Variants in AGPS observed in about 807,000 individuals in gnomAD.
AGPS encodes alkyldihydroxyacetonephosphate synthase, peroxisomal.
A neutral mutation model predicts 90.7 loss-of-function variants in AGPS; 26 were observed. The observed-to-expected ratio is 0.29, with a 90% CI of 0.21 to 0.40. The LOEUF is 0.40. AGPS is among the 10% of genes least tolerant of loss of function. The pLI is 1.00. For synonymous variants in AGPS, 294 were observed against 285.3 expected (o/e 1.03, Z -0.31); for missense variants, 540 against 816.1 (o/e 0.66, Z 4.12).
rs1219105840 is a variant in AGPS, at chr2:177,393,031, G to T, written c.242G>T (p.Gly81Val). 6.5e-7 allele frequency: 1 copy of T among 1,550,374 alleles called. No homozygotes were observed. The highest frequency in any genetic ancestry group is 8.7e-7 in the Non-Finnish European group (1 of 1,146,806). Reference sequence around the variant, plus strand: ...GCCACTCCCGCCGCGCAGGAGTCGGGCACCATCCCAAAGAAGCGGTGAGTA... The same window carrying T: ...GCCACTCCCGCCGCGCAGGAGTCGGTCACCATCCCAAAGAAGCGGTGAGTA... ...PTATPAAQES[G>V]TIPKKRQEVM... Residue 81 changes from glycine to valine, a missense_variant, in exon 1 of 20, where the codon GGC becomes GTC. Around this residue, in one of 2 missense-constraint regions of AGPS, gnomAD observed 135 missense variants for 124.0 expected, o/e 1.09. Transcript: ENST00000264167.
intron 1 of AGPS, among the ~76,000 whole-genome samples, chr2:177,419,091 T>C (rs938143585): frequency 5.9e-5 from 9 of 151,930 alleles, no homozygotes; most frequent in African/African-American, 2.2e-4. Flanking sequence ...TTGTCTTAAT[T>C]TTATGTATAG....
chr2:177,448,187 G>A (rs144923661), intron 8 of AGPS, among the ~76,000 whole-genome samples: 2 of 151,938 alleles, frequency 1.3e-5, no homozygotes, highest in African/African-American at 4.8e-5. Flanking sequence ...GCTCCTAGCT[G>A]TGTGACCTTG....
chr2:177,403,473 T>A (rs551414675), intron 1 of AGPS, among the ~76,000 whole-genome samples: 1 of 152,308 alleles, frequency 6.6e-6, no homozygotes, highest in Admixed American at 6.5e-5. Context: ...TTTGCTCTAG[T>A]AATGATGGTC....
intron 19 of AGPS, among the ~76,000 whole-genome samples, chr2:177,537,281 A>G (rs145931909): frequency 1.1e-4 from 17 of 152,268 alleles, no homozygotes; most frequent in African/African-American, 3.8e-4. Flanking sequence ...TTCATTGAGT[A>G]CCTTTTGAAA....
At chr2:177,482,489 C>T (rs1443884828) in intron 11 of AGPS, among the ~76,000 whole-genome samples, 1 of 151,668 alleles carries the variant, frequency 6.6e-6, no homozygotes, top group Non-Finnish European at 1.5e-5. Context: ...GATGACTTTG[C>T]CTTTTATTGA....
intron 10 of AGPS, among the ~76,000 whole-genome samples, chr2:177,471,673 T>C (rs1574396225): frequency 6.6e-6 from 1 of 152,314 alleles, no homozygotes; most frequent in Admixed American, 6.5e-5. Flanking sequence ...AAAGTTTCAC[T>C]AGTTATTCTT....
At chr2:177,445,705 T>G in intron 8 of AGPS, 79 bp downstream of exon 8, 1 of 1,002,666 alleles carries the variant, frequency 1.0e-6, no homozygotes, top group Admixed American at 2.7e-5. Flanking sequence ...TAATGAAAGT[T>G]TTCAAAACTG....
chr2:177,534,932 T>A (rs2079170920), intron 19 of AGPS, among the ~76,000 whole-genome samples: 1 of 152,100 alleles, frequency 6.6e-6, no homozygotes, highest in African/African-American at 2.4e-5. Context: ...TTGGCCCATC[T>A]TTTTTATGTC....
At chr2:177,526,789 C>T (rs1445058884) in intron 19 of AGPS, among the ~76,000 whole-genome samples, 1 of 152,070 alleles carries the variant, frequency 6.6e-6, no homozygotes, top group African/African-American at 2.4e-5. Flanking sequence ...GATGCTGAAA[C>T]AGTGAAGAGA....
intron 3 of AGPS, among the ~76,000 whole-genome samples, chr2:177,434,634 C>A (rs1686342796): frequency 6.6e-6 from 1 of 152,118 alleles, no homozygotes; most frequent in Admixed American, 6.5e-5. Flanking sequence ...TGAGATTTAT[C>A]TGGCAAACTT....
At chr2:177,537,910 G>A (rs750910465) in intron 19 of AGPS, among the ~76,000 whole-genome samples, 164 bp from the exon 20 acceptor site, 11 of 152,080 alleles carry the variant, frequency 7.2e-5, no homozygotes, top group Non-Finnish European at 1.6e-4. Context: ...TGGGCTTAAT[G>A]AGCTTGATAG....
chr2:177,484,412 C>T (rs886651939), intron 11 of AGPS, among the ~76,000 whole-genome samples: 5 of 151,904 alleles, frequency 3.3e-5, no homozygotes, highest in Admixed American at 6.6e-5. Flanking sequence ...GGCGCGATCT[C>T]GATGCGCTGC....
chr2:177,481,324 G>T (rs1248317194), intron 10 of AGPS, among the ~76,000 whole-genome samples: 1 of 151,360 alleles, frequency 6.6e-6, no homozygotes, highest in Non-Finnish European at 1.5e-5. Context: ...TCTCTAATTA[G>T]TCCCTCTTAT....
intron 19 of AGPS, among the ~76,000 whole-genome samples, chr2:177,537,827 T>C (rs1346545847): frequency 6.6e-6 from 1 of 152,096 alleles, no homozygotes; most frequent in Non-Finnish European, 1.5e-5. Context: ...TGTCCAAGCT[T>C]CCTTCAATCT....
intron 9 of AGPS, among the ~76,000 whole-genome samples, chr2:177,465,875 G>A (rs1381382123): frequency 6.6e-6 from 1 of 152,252 alleles, no homozygotes; most frequent in Non-Finnish European, 1.5e-5. Context: ...CAAACAAGGG[G>A]TGTGTTTCAG....
intron 9 of AGPS, among the ~76,000 whole-genome samples, chr2:177,464,834 G>A (rs537995632): frequency 2.0e-5 from 3 of 152,190 alleles, no homozygotes; most frequent in African/African-American, 7.2e-5. Context: ...ATTGAACTCT[G>A]TAGTGACAAA....
chr2:177,444,088 A>G (rs966776860), intron 7 of AGPS, among the ~76,000 whole-genome samples: 2 of 152,116 alleles, frequency 1.3e-5, no homozygotes, highest in Non-Finnish European at 2.9e-5. Flanking sequence ...TTTAGCTGCC[A>G]AAGGACCAAA....
chr2:177,487,106 T>TA (rs1688117315), intron 11 of AGPS, among the ~76,000 whole-genome samples: 1 of 152,000 alleles, frequency 6.6e-6, no homozygotes, highest in South Asian at 2.1e-4. Context: ...ATAAAATTGT[T>TA]AGTTTGGAAA....
At chr2:177,415,292 C>T (rs1327938008) in intron 1 of AGPS, among the ~76,000 whole-genome samples, 1 of 152,120 alleles carries the variant, frequency 6.6e-6, no homozygotes, top group East Asian at 1.9e-4. Context: ...ATATGAATTT[C>T]CTATGCAATA....
Sources: gnomAD v4.1 joint callset for allele counts (sites outside exome capture counted in the v4.1 genomes callset) on GRCh38, gnomAD v4.1.1 for gene constraint, gnomAD v4.1.1 regional missense constraint, MANE v1.5 for transcripts, NCBI Gene and HGNC (gene_info 2026-07-23, HGNC 2026-07-21) for gene names.